ALDH2: variants seen among roughly 807,000 people sequenced by gnomAD.
ALDH2 encodes the protein aldehyde dehydrogenase, mitochondrial.
Under a neutral mutation model 59.6 loss-of-function variants are expected in ALDH2, and 44 were observed. The ratio of observed to expected loss-of-function variants is 0.74; its 90% CI spans 0.58 to 0.95. The LOEUF is 0.95. Ranked by LOEUF, ALDH2 falls within the 40% of genes least tolerant of loss-of-function variation. ALDH2 has a pLI of 0.00. For missense variants in ALDH2, 570 were observed against 696.3 expected, an observed-to-expected ratio of 0.82 and a Z score of 2.04; for synonymous variants, 291 against 284.0, an observed-to-expected ratio of 1.02 and a Z score of -0.25.
intron 11 of ALDH2, among the ~76,000 whole-genome samples, chr12:111,802,606 C>T (rs752227757): frequency 8.8e-5 from 13 of 148,212 alleles, no homozygotes; most frequent in Non-Finnish European, 1.5e-4. Context: ...AAGGGCAGGG[C>T]GCTGTGGTTC....
chr12:111,791,759 T>G (rs1435854237), intron 7 of ALDH2, among the ~76,000 whole-genome samples: 3 of 152,010 alleles, frequency 2.0e-5, no homozygotes, highest in Non-Finnish European at 4.4e-5. Context: ...AAAATTAGCC[T>G]TGTGTGGTGG....
chr12:111,803,820 C>T lies in ALDH2; in HGVS notation c.1407-39C>T, dbSNP rs564363661. On this transcript the variant is annotated intron_variant, in intron 11 of 12. Transcript: ENST00000261733. ...GGGTCCTGGGAGTGTAACCCATAAC[C>T]CCCAAGAGTGATTTCTGCAATCTCG... 251 of 1,494,444 alleles carry T rather than the reference C, an allele frequency of 1.7e-4. 2 individuals carry two copies. In the South Asian group the frequency reaches 2.8e-3, roughly 17 times the overall value. 92.6% of individuals were successfully genotyped at this position (1,494,444 alleles called of 1,614,324 possible).
At chr12:111,805,854 C>G (rs2068489406) in intron 12 of ALDH2, among the ~76,000 whole-genome samples, 1 of 151,512 alleles carries the variant, frequency 6.6e-6, no homozygotes, top group Non-Finnish European at 1.5e-5. Flanking sequence ...GAAACCCTGT[C>G]TCTACTAAAA....
intron 3 of ALDH2, among the ~76,000 whole-genome samples, chr12:111,783,652 G>A (rs2068289815): frequency 6.6e-6 from 1 of 152,270 alleles, no homozygotes; most frequent in South Asian, 2.1e-4. Flanking sequence ...TGGAATTACA[G>A]GCACAAGCCA....
At chr12:111,783,401 C>A in intron 3 of ALDH2, 103 bp downstream of exon 3, 1 of 1,415,722 alleles carries the variant, frequency 7.1e-7, no homozygotes. Context: ...AGCCAGGGAA[C>A]ACACATCTGA....
chr12:111,798,124 G>A lies in ALDH2; in HGVS notation c.1130G>A (p.Gly377Glu). The change falls in exon 10 of 13, where the codon GGG becomes GAG. Residue 377 changes from glycine (G) to glutamate (E), a missense_variant. Coordinates refer to ENST00000261733, the MANE Select transcript of ALDH2 (RefSeq NM_000690.4). Reference sequence around the variant, plus strand: ...AAGATCCTCGGCTACATCAACACGGGGAAGCAAGAGGGGGCGAAGCTGCTG... The same window carrying A: ...AAGATCCTCGGCTACATCAACACGGAGAAGCAAGAGGGGGCGAAGCTGCTG... ...FKKILGYINT[G>E]KQEGAKLLCG... The A allele has an allele frequency of 6.2e-7, 1 of 1,614,044 alleles. No individual in the cohort carries two copies. The highest frequency in any genetic ancestry group is 8.5e-7 in the Non-Finnish European group (1 of 1,179,968).
intron 11 of ALDH2, among the ~76,000 whole-genome samples, chr12:111,801,693 CA>C (rs773754247): frequency 0.049 from 4,296 of 88,488 alleles, 171 homozygotes; most frequent in African/African-American, 0.14. Flanking sequence ...AGTGAGACTC[CA>C]AAAAAAAAAA....
At chr12:111,780,016 C>T (rs113144828) in intron 1 of ALDH2, among the ~76,000 whole-genome samples, 16 of 152,126 alleles carry the variant, frequency 1.1e-4, no homozygotes, top group East Asian at 3.9e-4. Context: ...CTCAGCCTCC[C>T]GAGTAGCTGG....
At chr12:111,799,832 G>A in intron 10 of ALDH2, 74 bp from the exon 11 acceptor site, 1 of 1,529,682 alleles carries the variant, frequency 6.5e-7, no homozygotes, top group Admixed American at 1.8e-5. Context: ...GGAATCATCT[G>A]TTCTGCTCTG....
intron 11 of ALDH2, among the ~76,000 whole-genome samples, chr12:111,803,295 GAAAGA>G (rs1202428246): frequency 6.7e-6 from 1 of 149,532 alleles, no homozygotes; most frequent in Non-Finnish European, 1.5e-5. Flanking sequence ...AAAAAAAAAT[GAAAGA>G]AAAGAAAAGA....
In ALDH2 at chr12:111,798,133, A is replaced by G; in HGVS notation, c.1139A>G (p.Glu380Gly). The part of the protein sequence containing the change: ...ILGYINTGKQ[E>G]GAKLLCGGGI... ...GGCTACATCAACACGGGGAAGCAAG[A>G]GGGGGCGAAGCTGCTGTGTGGTGGG... Residue 380 changes from glutamate to glycine, a missense_variant, in exon 10 of 13, where the codon GAG (glutamate) becomes GGG (glycine). Glu to Gly is a moderately conservative substitution (Grantham distance 98, BLOSUM62 -2). Coordinates refer to ENST00000261733, the MANE Select transcript of ALDH2 (RefSeq NM_000690.4). 6.2e-7 allele frequency: 1 copy of G among 1,613,996 alleles called. No individual in the cohort carries two copies. The highest frequency in any genetic ancestry group is 1.3e-5 in the African/African-American group (1 of 75,032).
At chr12:111,772,608 G>A (rs986594724) in intron 1 of ALDH2, among the ~76,000 whole-genome samples, 4 of 151,036 alleles carry the variant, frequency 2.6e-5, no homozygotes, top group African/African-American at 9.7e-5. Flanking sequence ...TGATCCACCC[G>A]CCTTGGCCTC....
intron 1 of ALDH2, among the ~76,000 whole-genome samples, chr12:111,772,674 G>T (rs11609093): frequency 5.1e-4 from 63 of 124,668 alleles, no homozygotes; most frequent in Middle Eastern, 0.011. Context: ...TTTTTTTTTG[G>T]TTTTTTTTTT....
At chr12:111,772,172 T>C (rs547473897) in intron 1 of ALDH2, among the ~76,000 whole-genome samples, 1 of 152,036 alleles carries the variant, frequency 6.6e-6, no homozygotes, top group Admixed American at 6.6e-5. Context: ...AGAAAAAATA[T>C]AATGGTCCCC....
chr12:111,770,728 T>G (rs2068192850), intron 1 of ALDH2, among the ~76,000 whole-genome samples: 1 of 152,080 alleles, frequency 6.6e-6, no homozygotes, highest in Non-Finnish European at 1.5e-5. Context: ...CACTCTAACC[T>G]CCACCTCCTG....
chr12:111,807,672 GA>G (rs1463561138), intron 12 of ALDH2, among the ~76,000 whole-genome samples: 1 of 152,148 alleles, frequency 6.6e-6, no homozygotes, highest in African/African-American at 2.4e-5. Flanking sequence ...ATAGCTTCTG[GA>G]AAAGCTGTGA....
At chr12:111,778,614 A>G (rs2068250187) in intron 1 of ALDH2, among the ~76,000 whole-genome samples, 1 of 151,264 alleles carries the variant, frequency 6.6e-6, no homozygotes, top group African/African-American at 2.4e-5. Context: ...CGGGCGGATC[A>G]CGAGGTCAGG....
Position 111,791,940 on chromosome 12 carries a change from C to G in ALDH2, c.796-121C>G, listed in dbSNP as rs945304377. On this transcript the variant is annotated intron_variant, in intron 7 of 12. Coordinates refer to ENST00000261733, the MANE Select transcript of ALDH2 (RefSeq NM_000690.4). ...GTGAACGTCTATTTGGTGAAATTCTCTAGGTCTCTCGTGGTCCAGTTGCTC... is the reference window on the plus strand; with the variant it reads ...GTGAACGTCTATTTGGTGAAATTCTGTAGGTCTCTCGTGGTCCAGTTGCTC... 4.3e-6 allele frequency: 3 copies of G among 699,896 alleles called. No homozygotes were observed. In the African/African-American group the frequency reaches 5.4e-5, roughly 13 times the overall value. The allele number at this position is 699,896 out of a possible 1,614,324, so 43.4% of individuals were successfully genotyped here. A position where few individuals can be genotyped will look rare whatever the true frequency, so the allele number is the denominator to read the frequency against.
At chr12:111,782,781 G>A (rs930526124) in intron 2 of ALDH2, among the ~76,000 whole-genome samples, 1 of 152,106 alleles carries the variant, frequency 6.6e-6, no homozygotes, top group African/African-American at 2.4e-5. Flanking sequence ...CTACTCAAGA[G>A]GCTGAGGTAG....
Sources: gnomAD v4.1 joint callset for allele counts (sites outside exome capture counted in the v4.1 genomes callset) on GRCh38, gnomAD v4.1.1 for gene constraint, MANE v1.5 for transcripts, NCBI Gene and HGNC (gene_info 2026-07-23, HGNC 2026-07-21) for gene names.